The following FHAD1 variants were observed in gnomAD, a reference collection of about 807,000 sequenced individuals.
FHAD1 encodes the protein forkhead associated phosphopeptide binding domain 1.
Under a neutral mutation model 191.3 loss-of-function variants are expected in FHAD1, and 146 were observed. That is an observed-to-expected ratio of 0.76 (90% CI 0.67 to 0.88). The LOEUF (loss-of-function observed/expected upper bound fraction) is 0.88, where lower values mean the gene tolerates loss of function less well. FHAD1 is among the 40% of genes least tolerant of loss of function. The pLI is 0.00. For synonymous variants in FHAD1, 616 were observed against 672.3 expected, an observed-to-expected ratio of 0.92 and a Z score of 1.29; for missense variants, 1,635 against 1,785.8, an observed-to-expected ratio of 0.92 and a Z score of 1.52.
At position 15,247,390 on chromosome 1, in the gene FHAD1, C is replaced by A; in HGVS notation, c.-20C>A. ...GGTCGGAGCGTGGGCTTCCTCCTCC[C>A]GCCAGGTGAGTGCGGCGCGGGAAGG... On this transcript the variant is annotated 5_prime_UTR_variant, in exon 1 of 34. Transcript: ENST00000688493. The A allele has an allele frequency of 4.9e-6, 1 of 204,586 alleles. No homozygotes were observed. Among genetic ancestry groups the A allele is most frequent in the South Asian group, 4.4e-5 (1 of 22,516 alleles). The allele number at this position is 204,586 out of a possible 1,614,324, so 12.7% of individuals were successfully genotyped here. A position where few individuals can be genotyped will look rare whatever the true frequency, so the allele number is the denominator to read the frequency against.
Position 15,238,234 on chromosome 1 carries a change from G to T in FHAD1, c.-15+1473G>T, listed in dbSNP as rs547936060. ...TGCACTCCAGCCTGGGCAATAGAGTGAGACTCCATCTCAAGGAAAAAAAAA... is the reference window on the plus strand; with the variant it reads ...TGCACTCCAGCCTGGGCAATAGAGTTAGACTCCATCTCAAGGAAAAAAAAA... On this transcript the variant is annotated intron_variant, in intron 1 of 33. Transcript: ENST00000683790. Among the ~76,000 whole-genome samples the T allele has an allele frequency of 6.8e-5, 8 of 118,244 alleles. No homozygotes were observed. In the South Asian group the frequency reaches 2.2e-3, roughly 33 times the overall value. 77.6% of individuals were successfully genotyped at this position (118,244 alleles called of 152,430 possible).
chr1:15,293,578 T>TGTG (rs1665755743), intron 4 of FHAD1, among the ~76,000 whole-genome samples: 1 of 151,972 alleles, frequency 6.6e-6, no homozygotes, highest in African/African-American at 2.4e-5. Context: ...ATTAGCTGGG[T>TGTG]GTGGTGGCAC....
intron 5 of FHAD1, among the ~76,000 whole-genome samples, chr1:15,299,511 A>G (rs1668063473): frequency 6.6e-6 from 1 of 152,216 alleles, no homozygotes; most frequent in African/African-American, 2.4e-5. Context: ...TCTCTGAGAA[A>G]ATGCCAATTG....
intron 8 of FHAD1, among the ~76,000 whole-genome samples, chr1:15,315,579 G>A (rs1034318532): frequency 3.4e-5 from 5 of 145,094 alleles, no homozygotes; most frequent in Non-Finnish European, 7.5e-5. Context: ...TCTGCCTCCC[G>A]GGTTCACGCC....
intron 28 of FHAD1, among the ~76,000 whole-genome samples, chr1:15,377,616 T>G (rs1699968514): frequency 6.6e-6 from 1 of 151,990 alleles, no homozygotes; most frequent in African/African-American, 2.4e-5. Context: ...GGCGGGCAGA[T>G]CACTTTGAGC....
At chr1:15,392,074 C>G (rs1201041510) in intron 33 of FHAD1, among the ~76,000 whole-genome samples, 1 of 152,196 alleles carries the variant, frequency 6.6e-6, no homozygotes. Flanking sequence ...GTGAAGCTCC[C>G]TGGAATTTCA....
At chr1:15,400,056 G>T (rs1707040677), downstream of FHAD1, 1 of 152,216 alleles carries the variant, frequency 6.6e-6, no homozygotes, top group African/African-American at 2.4e-5. Context: ...ATTCACCCTT[G>T]GTACCTTTGT....
Position 15,301,457 on chromosome 1 carries a change from G to C in FHAD1, c.915+16G>C, listed in dbSNP as rs1269325149. The C allele has an allele frequency of 1.3e-6, 2 of 1,550,392 alleles. No homozygotes were observed. The highest frequency in any genetic ancestry group is 1.7e-6 in the Non-Finnish European group (2 of 1,146,316). On this transcript the variant is annotated intron_variant, in intron 6 of 33. Coordinates refer to ENST00000688493, the MANE Select transcript of FHAD1 (RefSeq NM_001391957.1). The stretch of plus-strand genomic sequence containing the variant: ...GAAAAGCCAGGTAGGCAGAGCCTGA[G>C]AGGTACAGCACAGCTCTCAGGCCAA...
chr1:15,392,456 T>G, intron 33 of FHAD1, among the ~76,000 whole-genome samples: 1 of 151,934 alleles, frequency 6.6e-6, no homozygotes, highest in Non-Finnish European at 1.5e-5. Context: ...GGTGTGAACC[T>G]GGGAGGCGGA....
chr1:15,332,077 C>A (rs1281229961), intron 14 of FHAD1, among the ~76,000 whole-genome samples: 1 of 152,206 alleles, frequency 6.6e-6, no homozygotes, highest in Non-Finnish European at 1.5e-5. Flanking sequence ...ACATCTGCAG[C>A]AGGATGCTTC....
At chr1:15,373,872 A>G (rs1410441558) in intron 26 of FHAD1, among the ~76,000 whole-genome samples, 1 of 152,032 alleles carries the variant, frequency 6.6e-6, no homozygotes, top group Non-Finnish European at 1.5e-5. Context: ...AAAACAAACA[A>G]CAAAAACACA....
chr1:15,247,211 G>A (rs1292461223), upstream of FHAD1: 2 of 163,246 alleles, frequency 1.2e-5, no homozygotes, highest in South Asian at 1.2e-4. Flanking sequence ...GGACCCCGCG[G>A]CGCCTGGCGG....
upstream of FHAD1, among the ~76,000 whole-genome samples, chr1:15,246,650 C>A (rs975115338): frequency 3.3e-5 from 5 of 152,092 alleles, no homozygotes; most frequent in African/African-American, 1.2e-4. Context: ...AGAGAAAGGG[C>A]AAAAGAATGA....
chr1:15,347,458 C>T (rs1455835911), intron 18 of FHAD1, among the ~76,000 whole-genome samples: 1 of 152,188 alleles, frequency 6.6e-6, no homozygotes, highest in Non-Finnish European at 1.5e-5. Context: ...ATTCAACTGC[C>T]AGTGGCTATT....
At chr1:15,383,857 G>T (rs142577018) in intron 31 of FHAD1, 46 of 446,756 alleles carry the variant, frequency 1.0e-4, no homozygotes, top group African/African-American at 8.0e-4. Flanking sequence ...TGCACACAGC[G>T]GCTGGTAAGG....
In FHAD1 at chr1:15,329,471, G is replaced by A. The variant is rs764659176; in HGVS notation, c.1836G>A (p.Ala612=). The change falls in exon 14 of 34, where the codon GCG becomes GCA. Residue 612 remains alanine, a synonymous_variant. Coordinates refer to ENST00000688493, the MANE Select transcript of FHAD1 (RefSeq NM_001391957.1). This position sits in a 1 kb window ranked among gnomAD's most constrained non-coding sequence, Gnocchi z 5.0. ...QKVVLDVLRH[A]LSWLEEVEQL... ...TGGTGCTGGACGTCCTGAGGCACGC[G>A]CTGTCCTGGCTGGAGGAGGTGGAGC... The A allele has an allele frequency of 1.7e-5, 26 of 1,551,218 alleles. No individual in the cohort carries two copies. The highest frequency in any genetic ancestry group is 2.4e-5 in the East Asian group (1 of 40,910).
At position 15,289,496 on chromosome 1, in the gene FHAD1, TC is replaced by T; in HGVS notation, c.402del (p.Phe135SerfsTer33). Reference sequence around the variant, plus strand: ...AACCAGGCCCCCCCACCATCACATATCCCCTTCCACCAAGGTGTCCAGCCAG... The same window carrying T: ...AACCAGGCCCCCCCACCATCACATATCCCTTCCACCAAGGTGTCCAGCCAG... ...QPNQAPPPSH[I>X]PFHQGVQPAP... On this transcript the variant is annotated frameshift_variant, in exon 4 of 34. Coordinates refer to ENST00000688493, the MANE Select transcript of FHAD1 (RefSeq NM_001391957.1). LOFTEE classifies it high-confidence loss of function. The surrounding 1 kb of genome is among the most constrained non-coding windows in gnomAD (Gnocchi z 4.2). 6.4e-7 allele frequency: 1 copy of T among 1,551,724 alleles called. No homozygotes were observed. Among genetic ancestry groups the T allele is most frequent in the Non-Finnish European group, 8.7e-7 (1 of 1,147,012 alleles).
rs376980078 is a variant in FHAD1, at chr1:15,328,410, C to T, written c.1691C>T (p.Thr564Met). The change falls in exon 13 of 34, where the codon ACG becomes ATG. Residue 564 changes from threonine to methionine, a missense_variant. Physicochemically the swap from Thr to Met is moderately conservative, Grantham distance 81 (BLOSUM62 -1). Transcript: ENST00000688493. ...ACCGAGAACATCGAGAAGCTGAGGACGTCGCTGGACAGCTGCCAGGTGGCC... is the reference window on the plus strand; with the variant it reads ...ACCGAGAACATCGAGAAGCTGAGGATGTCGCTGGACAGCTGCCAGGTGGCC... ...ETTENIEKLRTSLDSCQACMK... is the reference protein window; with the variant it reads ...ETTENIEKLRMSLDSCQACMK... 190 of 1,528,056 alleles carry T rather than the reference C, an allele frequency of 1.2e-4. 1 individual carries two copies. In the South Asian group the frequency reaches 1.3e-3, roughly 11 times the overall value. 94.7% of individuals were successfully genotyped at this position (1,528,056 alleles called of 1,614,324 possible). A position where few individuals can be genotyped will look rare whatever the true frequency, so the allele number is the denominator to read the frequency against.
chr1:15,260,150 C>T (rs957317484), intron 2 of FHAD1, among the ~76,000 whole-genome samples: 37 of 152,224 alleles, frequency 2.4e-4, no homozygotes, highest in Middle Eastern at 3.4e-3. Flanking sequence ...AACAGAAGGG[C>T]GGCTCTAGAA....
Sources: gnomAD v4.1 joint callset for allele counts (sites outside exome capture counted in the v4.1 genomes callset) on GRCh38, gnomAD v4.1.1 for gene constraint, Gnocchi (gnomAD v3.1) non-coding constraint, MANE v1.5 for transcripts, NCBI Gene and HGNC (gene_info 2026-07-23, HGNC 2026-07-21) for gene names.